The following NFIX variants were observed in gnomAD, a reference collection of about 807,000 sequenced individuals.
NFIX encodes nuclear factor I X, also known as nuclear factor 1 X-type.
Under a neutral mutation model 53.3 loss-of-function variants are expected in NFIX, and 2 were observed. The ratio of observed to expected loss-of-function variants is 0.04; its 90% confidence interval spans 0.02 to 0.12. The LOEUF (loss-of-function observed/expected upper bound fraction) is 0.12. NFIX is among the 10% of genes least tolerant of loss of function. The probability of loss-of-function intolerance (pLI) is 1.00; values close to 1 mark genes in which losing one functional copy is unlikely to be tolerated. For synonymous variants in NFIX, 244 were observed against 289.0 expected (o/e 0.84, Z 1.58); for missense variants, 310 against 674.5 (o/e 0.46, Z 5.99).
intron 5 of NFIX, 91 bp from the exon 6 acceptor site, chr19:13,075,444 A>G: frequency 7.1e-7 from 1 of 1,407,290 alleles, no homozygotes; most frequent in Non-Finnish European, 9.6e-7. Flanking sequence ...CCAGAGGGCC[A>G]TCTATGCACA....
chr19:13,047,858 C>T (rs1001099814), intron 2 of NFIX, among the ~76,000 whole-genome samples: 1 of 152,172 alleles, frequency 6.6e-6, no homozygotes, highest in Non-Finnish European at 1.5e-5. Context: ...CCCATGGTGG[C>T]AGCATTCCGG....
At chr19:13,087,964 G>A in intron 8 of NFIX, 25 bp from the exon 9 acceptor site, 1 of 1,535,900 alleles carries the variant, frequency 6.5e-7, no homozygotes, top group Non-Finnish European at 8.7e-7. Context: ...GCCTTCATGC[G>A]TCACTCTATT....
intron 10 of NFIX, among the ~76,000 whole-genome samples, chr19:13,092,380 G>A (rs1283516581): frequency 6.6e-6 from 1 of 152,152 alleles, no homozygotes; most frequent in African/African-American, 2.4e-5. Flanking sequence ...GGGAGGTGCC[G>A]GGGAGCCCCC....
At chr19:13,050,222 C>A (rs1296992849) in intron 2 of NFIX, among the ~76,000 whole-genome samples, 1 of 152,246 alleles carries the variant, frequency 6.6e-6, no homozygotes, top group Non-Finnish European at 1.5e-5. Flanking sequence ...TTCTCCTATA[C>A]TGCATATTCC....
At position 13,094,186 on chromosome 19, in the gene NFIX, CAA is replaced by C. The variant is rs1174575131; in HGVS notation, c.1495-447_1495-446del. 3.3e-5 allele frequency among the ~76,000 whole-genome samples: 5 copies of C among 152,160 alleles called. No individual in the cohort carries two copies. The highest frequency in any genetic ancestry group is 1.2e-4 in the African/African-American group (5 of 41,428). On this transcript the variant is annotated intron_variant, in intron 10 of 10. Transcript: ENST00000592199. This position sits in a 1 kb window ranked among gnomAD's most constrained non-coding sequence, Gnocchi z 4.3. ...TAGATGGGAATTTCTGCTTTTAATC[CAA>C]AGAGACAGAAAGAAAACTCAGCAAG...
intron 7 of NFIX, among the ~76,000 whole-genome samples, chr19:13,080,889 A>G (rs2017419412): frequency 6.6e-6 from 1 of 151,606 alleles, no homozygotes; most frequent in South Asian, 2.1e-4. Flanking sequence ...AGTCCCAGCT[A>G]CTCGGGAGGC....
Position 13,081,708 on chromosome 19 carries a change from G to C in NFIX, c.1107G>C (p.Leu369=). ...PGSPRATASA[L]HFPSTSIIQQ... ...GCCCCCGGGCCACAGCATCAGCCCT[G>C]CACTTCCCCTCCACGTCCATCATCC... The change falls in exon 8 of 11, where the codon CTG becomes CTC. Residue 369 remains leucine, a synonymous_variant. Coordinates refer to ENST00000592199, the MANE Select transcript of NFIX (RefSeq NM_001365902.3). The surrounding 1 kb of genome is among the most constrained non-coding windows in gnomAD (Gnocchi z 4.7). 1 of 1,613,750 alleles carries C rather than the reference G, an allele frequency of 6.2e-7. No homozygotes were observed. The highest frequency in any genetic ancestry group is 8.5e-7 in the Non-Finnish European group (1 of 1,179,830).
intron 2 of NFIX, among the ~76,000 whole-genome samples, chr19:13,071,818 C>A (rs530890014): frequency 6.6e-6 from 1 of 152,074 alleles, no homozygotes; most frequent in Non-Finnish European, 1.5e-5. Flanking sequence ...GGGTGCCACC[C>A]GGGTGGGCTG....
At chr19:13,008,635 T>G (rs2012156104) in intron 1 of NFIX, among the ~76,000 whole-genome samples, 1 of 152,176 alleles carries the variant, frequency 6.6e-6, no homozygotes, top group Non-Finnish European at 1.5e-5. Flanking sequence ...CCGCTGGCCC[T>G]GCCCAGGCCT....
chr19:13,057,317 G>GAGGAAGGA (rs1417409468), intron 2 of NFIX, among the ~76,000 whole-genome samples: 1 of 152,254 alleles, frequency 6.6e-6, no homozygotes, highest in Non-Finnish European at 1.5e-5. Context: ...AAGCAGGCAG[G>GAGGAAGGA]AGGAAGGAAA....
At chr19:13,080,082 C>T (rs533286671) in intron 7 of NFIX, among the ~76,000 whole-genome samples, 2 of 152,218 alleles carry the variant, frequency 1.3e-5, no homozygotes, top group Non-Finnish European at 2.9e-5. Context: ...CACCCAGTCT[C>T]CCACCCAGGG....
At chr19:13,031,925 T>G (rs1261674538) in intron 2 of NFIX, among the ~76,000 whole-genome samples, 1 of 152,012 alleles carries the variant, frequency 6.6e-6, no homozygotes, top group Non-Finnish European at 1.5e-5. Context: ...GGGAAGAAGG[T>G]GACTCCCTCC....
At chr19:13,086,049 G>A (rs542289090) in intron 8 of NFIX, among the ~76,000 whole-genome samples, 3 of 152,308 alleles carry the variant, frequency 2.0e-5, no homozygotes, top group South Asian at 4.1e-4. Flanking sequence ...AGGGGACAGC[G>A]TTTTTTGAGC....
chr19:13,069,891 T>G (rs2016669105), intron 2 of NFIX: 1 of 152,286 alleles, frequency 6.6e-6, no homozygotes, highest in South Asian at 2.1e-4. Flanking sequence ...AGGCAGGGCC[T>G]GGGGAGGGGC....
In NFIX at chr19:13,049,472, C is replaced by A. The variant is rs2015191396; in HGVS notation, c.560-23575C>A. ...AATCTGCTTTGTTTCTATGGATTTG[C>A]CTAGTTGTGGATGTTTCATATAAAT... On this transcript the variant is annotated intron_variant, in intron 2 of 10. Coordinates refer to ENST00000592199, the MANE Select transcript of NFIX (RefSeq NM_001365902.3). The surrounding 1 kb of genome is among the most constrained non-coding windows in gnomAD (Gnocchi z 4.5). 6.6e-6 allele frequency among the ~76,000 whole-genome samples: 1 copy of A among 152,072 alleles called. No homozygotes were observed. The highest frequency in any genetic ancestry group is 1.5e-5 in the Non-Finnish European group (1 of 68,034).
intron 1 of NFIX, among the ~76,000 whole-genome samples, chr19:13,017,637 T>G (rs1036902889): frequency 1.3e-5 from 2 of 152,196 alleles, no homozygotes; most frequent in African/African-American, 4.8e-5. Context: ...TTTTGTCACC[T>G]TGCCCTGACC....
In NFIX at chr19:13,096,004, C is replaced by T. The variant is rs1156457646; in HGVS notation, c.*1355C>T. On this transcript the variant is annotated 3_prime_UTR_variant, in exon 11 of 11. Coordinates refer to ENST00000592199, the MANE Select transcript of NFIX (RefSeq NM_001365902.3). ...GTAACACACCACAGGAAGTAGCTCT[C>T]CCCCCCAGCCCCCTCCTCCCTCAAG... 6.6e-6 allele frequency: 1 copy of T among 152,270 alleles called. No homozygotes were observed. The highest frequency in any genetic ancestry group is 1.5e-5 in the Non-Finnish European group (1 of 68,030). 9.4% of individuals were successfully genotyped at this position (152,270 alleles called of 1,614,324 possible).
rs1356277385 is a variant in NFIX at position 13,060,732 on chromosome 19, A to C, written c.560-12315A>C. ...CCAGGCCCAGTCTGGGGCCCTGTGA[A>C]GCGATCTGCACTGCCCAGGGTCAGG... On this transcript the variant is annotated intron_variant, in intron 2 of 10. Coordinates refer to ENST00000592199, the MANE Select transcript of NFIX (RefSeq NM_001365902.3). This position sits in a 1 kb window ranked among gnomAD's most constrained non-coding sequence, Gnocchi z 4.3. Among the ~76,000 whole-genome samples the C allele has an allele frequency of 6.6e-6, 1 of 151,834 alleles. No individual in the cohort carries two copies. Among genetic ancestry groups the C allele is most frequent in the Non-Finnish European group, 1.5e-5 (1 of 67,898 alleles).
At chr19:13,000,401 A>T (rs956839590) in intron 1 of NFIX, among the ~76,000 whole-genome samples, 1 of 152,004 alleles carries the variant, frequency 6.6e-6, no homozygotes, top group South Asian at 2.1e-4. Flanking sequence ...CCAACCATAG[A>T]TATCCAAGTG....
Sources: gnomAD v4.1 joint callset for allele counts (sites outside exome capture counted in the v4.1 genomes callset) on GRCh38, gnomAD v4.1.1 for gene constraint, Gnocchi (gnomAD v3.1) non-coding constraint, MANE v1.5 for transcripts, NCBI Gene and HGNC (gene_info 2026-07-23, HGNC 2026-07-21) for gene names.